The following RTBDN variants were observed in gnomAD, a reference collection of about 807,000 sequenced individuals.
RTBDN encodes retbindin.
Under a neutral mutation model 21.9 loss-of-function variants are expected in RTBDN, and 24 were observed. That is an observed-to-expected ratio of 1.10 (90% CI 0.79 to 1.54). RTBDN has a LOEUF of 1.54. RTBDN is among the 40% of genes most tolerant of loss of function. The probability of loss-of-function intolerance (pLI) is 0.00; values close to 1 mark genes in which losing one functional copy is unlikely to be tolerated. For synonymous variants in RTBDN, 141 were observed against 125.9 expected (o/e 1.12, Z -0.80); for missense variants, 325 against 315.2 (o/e 1.03, Z -0.23).
upstream of RTBDN, chr19:12,835,281 G>C: frequency 1.6e-6 from 1 of 637,014 alleles, no homozygotes; most frequent in South Asian, 1.8e-5. Context: ...CCGATCTCCG[G>C]AGCCTAGGCC....
In RTBDN at chr19:12,834,163, C is replaced by G. The variant is rs1232667943; in HGVS notation, c.-19+326G>C. Among the ~76,000 whole-genome samples the G allele has an allele frequency of 3.9e-5, 6 of 152,110 alleles. No homozygotes were observed. Among genetic ancestry groups the G allele is most frequent in the Non-Finnish European group, 8.8e-5 (6 of 67,996 alleles). ...CGGGGAACGCTGTGGCCGCGCGTCC[C>G]GCCGCGCTGGGGACCCCGCCCCTCA... On this transcript the variant is annotated intron_variant, in intron 1 of 5. Coordinates refer to ENST00000674343, the MANE Select transcript of RTBDN (RefSeq NM_001270441.2). This position sits in a 1 kb window ranked among gnomAD's most constrained non-coding sequence, Gnocchi z 4.7.
intron 4 of RTBDN, 145 bp downstream of exon 4, chr19:12,828,511 TG>T: frequency 1.6e-6 from 1 of 606,324 alleles, no homozygotes; most frequent in Non-Finnish European, 2.9e-6. Context: ...CCTATCTACC[TG>T]GGCTCTAAAC....
chr19:12,829,823 G>C lies in RTBDN; in HGVS notation c.157C>G (p.Leu53Val). Residue 53 changes from leucine (L) to valine (V), a missense_variant, in exon 2 of 6, where the codon CTG becomes GTG. By Grantham distance (32) the Leu-to-Val change is conservative (BLOSUM62 1). Transcript: ENST00000674343. ...GLAADLGKGK[L>V]HLAGPCCPSE... ...CTGGGGTGCTCACCTGCCAGGTGCAGCTTGCCTTTGCCCAGATCAGCTGCC... is the reference window on the plus strand; with the variant it reads ...CTGGGGTGCTCACCTGCCAGGTGCACCTTGCCTTTGCCCAGATCAGCTGCC... 1 of 1,610,926 alleles carries C rather than the reference G, an allele frequency of 6.2e-7. No individual in the cohort carries two copies.
At chr19:12,826,923 C>T (rs371873448) in intron 4 of RTBDN, 52 bp from the exon 5 acceptor site, 10 of 1,301,204 alleles carry the variant, frequency 7.7e-6, no homozygotes, top group South Asian at 2.5e-5. Context: ...TACATTCCAG[C>T]GCGATTCTGG....
chr19:12,835,428 T>C (rs968377633), upstream of RTBDN: 5 of 323,428 alleles, frequency 1.5e-5, no homozygotes, highest in African/African-American at 4.2e-5. Flanking sequence ...GTCGGGTTTC[T>C]GAGAAAAGGG....
intron 1 of RTBDN, among the ~76,000 whole-genome samples, chr19:12,831,538 C>G (rs1243725875): frequency 6.6e-6 from 1 of 152,138 alleles, no homozygotes; most frequent in African/African-American, 2.4e-5. Flanking sequence ...AACCCCATCT[C>G]TACTAAAAAT....
At position 12,830,673 on chromosome 19, in the gene RTBDN, G is replaced by C; in HGVS notation, c.-18-676C>G. ...ACCTCAGGATCCAGTCCAGGAAACT[G>C]GCTGCTGAAAGGGGCGTGGCTTAAT... On this transcript the variant is annotated intron_variant, in intron 1 of 5. Transcript: ENST00000674343. The surrounding 1 kb of genome is among the most constrained non-coding windows in gnomAD (Gnocchi z 4.2). The C allele has an allele frequency of 1.0e-6, 1 of 985,532 alleles. No homozygotes were observed. The highest frequency in any genetic ancestry group is 1.2e-6 in the Non-Finnish European group (1 of 830,022). The allele number at this position is 985,532 out of a possible 1,614,324, so 61.0% of individuals were successfully genotyped here.
At chr19:12,826,067 G>A (rs4804736) in intron 5 of RTBDN, 134 bp from the exon 6 acceptor site, 212,146 of 1,415,686 alleles carry the variant, frequency 0.15, 16,830 homozygotes, top group South Asian at 0.17. Context: ...GGGAGTCTAT[G>A]TGCGGAACGT....
chr19:12,834,493 C>G lies in RTBDN; in HGVS notation c.-23G>C, dbSNP rs772864775. The G allele has an allele frequency of 3.9e-6, 6 of 1,535,472 alleles. No homozygotes were observed. The highest frequency in any genetic ancestry group is 1.7e-4 in the Middle Eastern group (1 of 5,984). On this transcript the variant is annotated 5_prime_UTR_variant, in exon 1 of 6. Transcript: ENST00000674343. This position sits in a 1 kb window ranked among gnomAD's most constrained non-coding sequence, Gnocchi z 4.7. ...CGCCCTGCGTCCCCCACGCACCTGC[C>G]TGGCCATCAGGATTCTTCCTACTGC...
At chr19:12,834,639 T>G, upstream of RTBDN, 2 of 1,513,034 alleles carry the variant, frequency 1.3e-6, no homozygotes, top group East Asian at 2.4e-5. This position sits in a 1 kb window ranked among gnomAD's most constrained non-coding sequence, Gnocchi z 4.7. Context: ...CGGGAGCGAT[T>G]TTTAGCTCCT....
chr19:12,832,832 G>A (rs1969627223), intron 1 of RTBDN: 1 of 152,216 alleles, frequency 6.6e-6, no homozygotes, highest in Admixed American at 6.5e-5. Context: ...CTGTTACCCA[G>A]CGACCGCGCC....
intron 4 of RTBDN, among the ~76,000 whole-genome samples, chr19:12,828,127 G>A (rs1260505217): frequency 6.6e-6 from 1 of 151,460 alleles, no homozygotes; most frequent in Non-Finnish European, 1.5e-5. Flanking sequence ...GCCGGGCACG[G>A]TGGCTCACGC....
intron 5 of RTBDN, 25 bp downstream of exon 5, chr19:12,826,750 C>A: frequency 7.2e-7 from 1 of 1,386,008 alleles, no homozygotes; most frequent in South Asian, 1.2e-5. Flanking sequence ...CAGTCTCTTC[C>A]CTTCACCTTC....
chr19:12,835,362 A>T, upstream of RTBDN: 1 of 502,804 alleles, frequency 2.0e-6, no homozygotes, highest in Non-Finnish European at 3.6e-6. Context: ...GAGAGAAGGG[A>T]GGCAGCTGCG....
chr19:12,830,641 C>T lies in RTBDN; in HGVS notation c.-18-644G>A. On this transcript the variant is annotated intron_variant, in intron 1 of 5. Coordinates refer to ENST00000674343, the MANE Select transcript of RTBDN (RefSeq NM_001270441.2). This position sits in a 1 kb window ranked among gnomAD's most constrained non-coding sequence, Gnocchi z 4.2. ...TGGCTGGATTGGGGTCTAGAGGCCG[C>T]TAAGACACCTCAGGATCCAGTCCAG... The T allele has an allele frequency of 6.1e-6, 6 of 985,618 alleles. No homozygotes were observed. Among genetic ancestry groups the T allele is most frequent in the Non-Finnish European group, 7.2e-6 (6 of 830,090 alleles). 61.1% of individuals were successfully genotyped at this position (985,618 alleles called of 1,614,324 possible).
At chr19:12,826,149 A>G in intron 5 of RTBDN, 1 of 1,375,836 alleles carries the variant, frequency 7.3e-7, no homozygotes, top group Non-Finnish European at 9.4e-7. Flanking sequence ...GGGTTGGGGC[A>G]GTTGGGGGGC....
In RTBDN at chr19:12,826,777, G is replaced by C. The variant is rs1270422764; in HGVS notation, c.460C>G (p.Gln154Glu). Reference sequence around the variant, plus strand: ...TTCACCTTCTGCCCCACGCTCACCTGTCCATAGGTAAGGCAGCTGGGCTCA... The same window carrying C: ...TTCACCTTCTGCCCCACGCTCACCTCTCCATAGGTAAGGCAGCTGGGCTCA... ...GCEPSCLTYG[Q>E]TFADGTDLCR... is the part of the protein sequence containing the mutation. Residue 154 changes from glutamine (Q) to glutamate (E), a missense_variant and splice_region_variant, in exon 5 of 6, where the codon CAG becomes GAG. Gln to Glu is a conservative substitution (Grantham distance 29). Coordinates refer to ENST00000674343, the MANE Select transcript of RTBDN (RefSeq NM_001270441.2). The C allele has an allele frequency of 6.5e-7, 1 of 1,547,270 alleles. No individual in the cohort carries two copies. Among genetic ancestry groups the C allele is most frequent in the Middle Eastern group, 1.8e-4 (1 of 5,482 alleles).
intron 5 of RTBDN, chr19:12,826,160 G>C: frequency 7.3e-7 from 1 of 1,377,074 alleles, no homozygotes; most frequent in Non-Finnish European, 9.3e-7. Context: ...GTTGGGGGGC[G>C]CGCAGAGAGG....
At chr19:12,826,041 C>A (rs535362845) in intron 5 of RTBDN, 108 bp from the exon 6 acceptor site, 112 of 1,431,334 alleles carry the variant, frequency 7.8e-5, no homozygotes, top group African/African-American at 3.5e-4. Flanking sequence ...GGGGTCAGAG[C>A]CGGAGCGTGC....
Sources: gnomAD v4.1 joint callset for allele counts (sites outside exome capture counted in the v4.1 genomes callset) on GRCh38, gnomAD v4.1.1 for gene constraint, Gnocchi (gnomAD v3.1) non-coding constraint, MANE v1.5 for transcripts, NCBI Gene and HGNC (gene_info 2026-07-23, HGNC 2026-07-21) for gene names.